MAGI2: variants seen among roughly 807,000 people sequenced by gnomAD.
The protein encoded by MAGI2 is membrane associated guanylate kinase, WW and PDZ domain containing 2.
In MAGI2, 35 loss-of-function variants were observed where a neutral mutation model predicts 133.3. The observed-to-expected ratio is 0.26, with a 90% confidence interval of 0.20 to 0.35. The LOEUF is 0.35. Among genes scored for constraint, MAGI2 ranks in the 10% least tolerant of loss-of-function variants. The pLI, the probability that MAGI2 is intolerant of heterozygous loss-of-function variation, is 1.00. For synonymous variants in MAGI2, 729 were observed against 710.6 expected, an observed-to-expected ratio of 1.03 and a Z score of -0.41; for missense variants, 1,636 against 1,863.4, an observed-to-expected ratio of 0.88 and a Z score of 2.25.
intron 3 of MAGI2, among the ~76,000 whole-genome samples, chr7:78,537,200 CACACACAG>C (rs1169265394): frequency 6.7e-6 from 1 of 149,356 alleles, no homozygotes; most frequent in African/African-American, 2.4e-5. Context: ...CACACACACA[CACACACAG>C]ACACATTTTC....
intron 2 of MAGI2, among the ~76,000 whole-genome samples, chr7:78,927,285 C>T (rs1799778846): frequency 6.6e-6 from 1 of 151,926 alleles, no homozygotes; most frequent in Non-Finnish European, 1.5e-5. Context: ...TCTTCTGGAA[C>T]TGATTTAGTA....
At chr7:78,121,019 A>AT (rs1820413798) in intron 20 of MAGI2, among the ~76,000 whole-genome samples, 1 of 150,730 alleles carries the variant, frequency 6.6e-6, no homozygotes, top group Non-Finnish European at 1.5e-5. Flanking sequence ...AAAAAAAAAA[A>AT]AATAATGATG....
chr7:78,682,403 G>A (rs1264159521), intron 2 of MAGI2, among the ~76,000 whole-genome samples: 1 of 152,054 alleles, frequency 6.6e-6, no homozygotes, highest in Non-Finnish European at 1.5e-5. Flanking sequence ...GCCCCAGTGT[G>A]TGATGCTCCC....
intron 2 of MAGI2, among the ~76,000 whole-genome samples, chr7:78,745,977 A>G (rs529720710): frequency 6.2e-4 from 94 of 152,308 alleles, no homozygotes; most frequent in African/African-American, 2.2e-3. Context: ...ATAGCTCCTA[A>G]GTTCTCATTC....
chr7:78,796,851 C>T (rs1266123905), intron 2 of MAGI2, among the ~76,000 whole-genome samples: 1 of 152,048 alleles, frequency 6.6e-6, no homozygotes, highest in Non-Finnish European at 1.5e-5. Flanking sequence ...CTGGAAGTCA[C>T]TGTGTTTAAG....
chr7:78,164,933 T>C (rs1449127410), intron 15 of MAGI2, among the ~76,000 whole-genome samples: 1 of 152,182 alleles, frequency 6.6e-6, no homozygotes, highest in East Asian at 1.9e-4. Flanking sequence ...TCTTCTCATA[T>C]CCTTGGGAAA....
At chr7:78,653,548 A>G (rs1351619341) in intron 2 of MAGI2, among the ~76,000 whole-genome samples, 1 of 151,818 alleles carries the variant, frequency 6.6e-6, no homozygotes, top group Non-Finnish European at 1.5e-5. Flanking sequence ...AAAACCAAAC[A>G]CTGCATGTTC....
At chr7:78,586,967 T>C (rs1391174429) in intron 3 of MAGI2, among the ~76,000 whole-genome samples, 3 of 152,244 alleles carry the variant, frequency 2.0e-5, no homozygotes, top group Non-Finnish European at 4.4e-5. Context: ...TTTGTTTATC[T>C]GTTCATTCAC....
chr7:78,670,410 T>C (rs1354181975), intron 2 of MAGI2, among the ~76,000 whole-genome samples: 1 of 152,044 alleles, frequency 6.6e-6, no homozygotes, highest in Non-Finnish European at 1.5e-5. Context: ...CACTGTGCAA[T>C]GAAATAAAAG....
At chr7:78,511,481 G>C (rs1320311833) in intron 4 of MAGI2, among the ~76,000 whole-genome samples, 1 of 148,826 alleles carries the variant, frequency 6.7e-6, no homozygotes, top group Non-Finnish European at 1.5e-5. Flanking sequence ...TTCTAATATG[G>C]GTACTAAAAT....
intron 21 of MAGI2, among the ~76,000 whole-genome samples, chr7:78,077,725 G>GTTTTTTTTTTTTT (rs538030969): frequency 2.0e-5 from 2 of 101,240 alleles, no homozygotes; most frequent in African/African-American, 4.0e-5. Context: ...TCTTTAGAAT[G>GTTTTTTTTTTTTT]TTTTTTTTTT....
chr7:79,267,746 C>T (rs1834584696), intron 1 of MAGI2, among the ~76,000 whole-genome samples: 2 of 152,148 alleles, frequency 1.3e-5, no homozygotes, highest in South Asian at 4.2e-4. Flanking sequence ...TATTAATGTG[C>T]GTAAGCATGG....
chr7:78,912,778 C>A (rs556960173), intron 2 of MAGI2, among the ~76,000 whole-genome samples: 68 of 144,102 alleles, frequency 4.7e-4, no homozygotes, highest in African/African-American at 1.6e-3. Flanking sequence ...ATATATATAT[C>A]ATTCATATAT....
chr7:78,784,076 T>G (rs537533150), intron 2 of MAGI2, among the ~76,000 whole-genome samples: 1 of 152,308 alleles, frequency 6.6e-6, no homozygotes, highest in South Asian at 2.1e-4. Context: ...TTCAAAGATG[T>G]TATCTCATCT....
intron 20 of MAGI2, among the ~76,000 whole-genome samples, chr7:78,104,713 A>T (rs1299091310): frequency 2.7e-5 from 4 of 150,492 alleles, no homozygotes; most frequent in Non-Finnish European, 5.9e-5. Context: ...TATCCTTAAA[A>T]CCCTCCTCAT....
rs373797961 is a variant in MAGI2 at position 79,209,884 on chromosome 7, G to A, written c.302-202678C>T. Among the ~76,000 whole-genome samples, 20 of 151,882 alleles carry A rather than the reference G, an allele frequency of 1.3e-4. No homozygotes were observed. In the East Asian group the frequency reaches 3.7e-3, roughly 28 times the overall value. ...TCTTTTATCTTTCACAGCATATCCT[G>A]GTACCACATATAGAATAAGTGTCTG... On this transcript the variant is annotated intron_variant, in intron 1 of 21. Transcript: ENST00000354212.
intron 1 of MAGI2, among the ~76,000 whole-genome samples, chr7:79,117,129 A>G (rs2129544341): frequency 6.6e-6 from 1 of 152,300 alleles, no homozygotes; most frequent in East Asian, 1.9e-4. Flanking sequence ...AAATAATTTA[A>G]ATATATATAA....
chr7:78,865,004 C>T (rs897729628), intron 2 of MAGI2, among the ~76,000 whole-genome samples: 3 of 152,046 alleles, frequency 2.0e-5, no homozygotes, highest in African/African-American at 7.2e-5. Context: ...GCCTCTAAAC[C>T]GTAGAAATTG....
In MAGI2 at chr7:79,238,732, A is replaced by C. The variant is rs570888015; in HGVS notation, c.301+214288T>G. The stretch of plus-strand genomic sequence containing the variant: ...ATTTGCTTTGGATAAGAACTTTGAA[A>C]TCTTACATGAGCATAAACCCTATCT... On this transcript the variant is annotated intron_variant, in intron 1 of 21. Transcript: ENST00000354212. 2.0e-5 allele frequency among the ~76,000 whole-genome samples: 3 copies of C among 152,312 alleles called. No homozygotes were observed. The South Asian group carries it at 6.2e-4, about 32-fold the overall frequency.
Sources: allele counts gnomAD v4.1 joint callset (sites outside exome capture counted in the v4.1 genomes callset), GRCh38; gene constraint gnomAD v4.1.1; transcripts MANE v1.5; gene names NCBI Gene and HGNC (gene_info 2026-07-23, HGNC 2026-07-21).